OSBPL1A: variants seen among roughly 807,000 people sequenced by gnomAD.
OSBPL1A encodes the protein oxysterol-binding protein-related protein 1.
A neutral mutation model predicts 137.1 loss-of-function variants in OSBPL1A; 80 were observed. The observed-to-expected ratio is 0.58, with a 90% CI of 0.49 to 0.70. OSBPL1A has a LOEUF of 0.70. Among genes scored for constraint, OSBPL1A ranks in the 30% least tolerant of loss-of-function variants. The pLI, the probability that OSBPL1A is intolerant of heterozygous loss-of-function variation, is 0.00. For synonymous variants in OSBPL1A, 365 were observed against 389.7 expected, an observed-to-expected ratio of 0.94 and a Z score of 0.75; for missense variants, 970 against 1,129.4, an observed-to-expected ratio of 0.86 and a Z score of 2.02.
At chr18:24,330,638 C>A (rs558404879) in intron 7 of OSBPL1A, among the ~76,000 whole-genome samples, 20 of 152,012 alleles carry the variant, frequency 1.3e-4, no homozygotes, top group Admixed American at 1.2e-3. Context: ...GCACGTGCCA[C>A]CACTTGAACT....
intron 17 of OSBPL1A, among the ~76,000 whole-genome samples, chr18:24,215,012 C>T (rs1196817787): frequency 6.6e-6 from 1 of 152,226 alleles, no homozygotes; most frequent in East Asian, 1.9e-4. Context: ...TGATTGCTTA[C>T]CATCAGAGGG....
chr18:24,203,081 G>A (rs1043507788), intron 17 of OSBPL1A, among the ~76,000 whole-genome samples: 18 of 152,296 alleles, frequency 1.2e-4, no homozygotes, highest in African/African-American at 4.3e-4. Flanking sequence ...GGGTTCAAGC[G>A]ATTCTCCTGC....
chr18:24,265,787 G>A (rs1205854876), intron 15 of OSBPL1A, among the ~76,000 whole-genome samples: 1 of 152,158 alleles, frequency 6.6e-6, no homozygotes, highest in Non-Finnish European at 1.5e-5. Flanking sequence ...GGGTGGGTAT[G>A]AGCTCCCCTC....
chr18:24,191,937 GTATT>G (rs1425394533), intron 18 of OSBPL1A, among the ~76,000 whole-genome samples: 2 of 152,200 alleles, frequency 1.3e-5, no homozygotes, highest in African/African-American at 2.4e-5. Flanking sequence ...GCTTGCTCAT[GTATT>G]TATTTAACAG....
intron 25 of OSBPL1A, 131 bp downstream of exon 25, chr18:24,167,198 G>A: frequency 2.6e-6 from 2 of 766,226 alleles, no homozygotes; most frequent in Non-Finnish European, 4.5e-6. Flanking sequence ...GAGCACCCGG[G>A]AGCCAGTGGG....
intron 1 of OSBPL1A, among the ~76,000 whole-genome samples, chr18:24,378,741 C>T (rs1405186145): frequency 1.3e-5 from 2 of 152,156 alleles, no homozygotes; most frequent in African/African-American, 4.8e-5. Context: ...TTGTCTCCAG[C>T]CCTCTTGCCC....
At chr18:24,346,618 T>A (rs1233441088) in intron 4 of OSBPL1A, among the ~76,000 whole-genome samples, 1 of 152,232 alleles carries the variant, frequency 6.6e-6, no homozygotes, top group Admixed American at 6.5e-5. Flanking sequence ...CAAGGTTCAT[T>A]TATGTTTTGG....
At chr18:24,341,386 T>C (rs935156525) in intron 5 of OSBPL1A, among the ~76,000 whole-genome samples, 161 bp downstream of exon 5, 11 of 152,194 alleles carry the variant, frequency 7.2e-5, no homozygotes, top group African/African-American at 2.7e-4. Context: ...AACTATCATA[T>C]AGATAATTGT....
chr18:24,362,868 C>A (rs1209108995), intron 4 of OSBPL1A, among the ~76,000 whole-genome samples: 3 of 152,166 alleles, frequency 2.0e-5, no homozygotes, highest in African/African-American at 7.2e-5. Context: ...AACTGAGAGG[C>A]AGTTACTCCA....
At chr18:24,373,812 G>A (rs955944165) in intron 2 of OSBPL1A, among the ~76,000 whole-genome samples, 7 of 152,124 alleles carry the variant, frequency 4.6e-5, no homozygotes, top group African/African-American at 9.7e-5. Flanking sequence ...GCCTGGTCTT[G>A]CCCACCCCTC....
At chr18:24,310,740 T>A (rs1338390396) in intron 13 of OSBPL1A, among the ~76,000 whole-genome samples, 2 of 152,106 alleles carry the variant, frequency 1.3e-5, no homozygotes, top group Non-Finnish European at 2.9e-5. Context: ...GATATTAGTA[T>A]GCTTTGTCAA....
At chr18:24,198,850 G>GGTT (rs1567939361) in intron 17 of OSBPL1A, among the ~76,000 whole-genome samples, 2 of 144,584 alleles carry the variant, frequency 1.4e-5, no homozygotes, top group African/African-American at 5.1e-5. Context: ...TTGTTTTGGT[G>GGTT]TTTTTTTTTG....
chr18:24,165,089 T>C lies in OSBPL1A; in HGVS notation c.2726A>G (p.Lys909Arg), dbSNP rs754066370. ...KQRAARKNRSKSEEDWKTRWF... is the reference protein window; with the variant it reads ...KQRAARKNRSRSEEDWKTRWF... Reference sequence around the variant, plus strand: ...CCTCGTCTTCCAGTCCTCTTCTGACTTGGACCTGTTTTTGCGGGCTGCTCT... The same window carrying C: ...CCTCGTCTTCCAGTCCTCTTCTGACCTGGACCTGTTTTTGCGGGCTGCTCT... Residue 909 changes from lysine (K) to arginine (R), a missense_variant, in exon 27 of 28, where the codon AAG (lysine) becomes AGG (arginine). Physicochemically the swap from Lys to Arg is conservative, Grantham distance 26 (BLOSUM62 2). Around this residue, in one of 2 missense-constraint regions of OSBPL1A, gnomAD observed 323 missense variants for 456.8 expected, o/e 0.71. Coordinates refer to ENST00000319481, the MANE Select transcript of OSBPL1A (RefSeq NM_080597.4). 2.0e-5 allele frequency: 33 copies of C among 1,614,220 alleles called. No homozygotes were observed. The Middle Eastern group carries it at 2.1e-3, about 105-fold the overall frequency.
chr18:24,231,027 G>T (rs2088258836), intron 16 of OSBPL1A, among the ~76,000 whole-genome samples: 1 of 152,108 alleles, frequency 6.6e-6, no homozygotes, highest in African/African-American at 2.4e-5. Flanking sequence ...TGAGGTGGAG[G>T]ATCACTTAAG....
intron 4 of OSBPL1A, among the ~76,000 whole-genome samples, chr18:24,345,765 C>A (rs2091336974): frequency 6.6e-6 from 1 of 152,094 alleles, no homozygotes; most frequent in South Asian, 2.1e-4. Flanking sequence ...TCAGAGAAGC[C>A]TTCCTCACTC....
intron 15 of OSBPL1A, among the ~76,000 whole-genome samples, chr18:24,262,392 G>GT (rs34727119): frequency 0.51 from 76,019 of 149,174 alleles, 19,820 homozygotes; most frequent in Non-Finnish European, 0.57. Flanking sequence ...AAAATAAATA[G>GT]TTTTTTTTTT....
intron 2 of OSBPL1A, among the ~76,000 whole-genome samples, chr18:24,371,151 T>A (rs1905601733): frequency 6.6e-6 from 1 of 152,000 alleles, no homozygotes; most frequent in South Asian, 2.1e-4. Flanking sequence ...GCCCAGTTTC[T>A]CCATAACCAC....
chr18:24,273,066 C>G (rs1171914915), intron 15 of OSBPL1A, among the ~76,000 whole-genome samples: 1 of 152,116 alleles, frequency 6.6e-6, no homozygotes, highest in Admixed American at 6.6e-5. Flanking sequence ...CCACCAAACC[C>G]AGCTAATTTT....
intron 1 of OSBPL1A, among the ~76,000 whole-genome samples, chr18:24,392,464 C>G (rs1006976490): frequency 2.0e-5 from 3 of 151,952 alleles, no homozygotes; most frequent in Admixed American, 6.6e-5. Context: ...CGGCCCTATA[C>G]TCTAATAAAG....
Sources: allele counts gnomAD v4.1 joint callset (sites outside exome capture counted in the v4.1 genomes callset), GRCh38; gene constraint gnomAD v4.1.1; regional missense constraint gnomAD v4.1.1; transcripts MANE v1.5; gene names NCBI Gene and HGNC (gene_info 2026-07-23, HGNC 2026-07-21).